Variants in MEGF10 observed in about 807,000 individuals in gnomAD.
MEGF10 encodes the protein multiple epidermal growth factor-like domains protein 10.
A neutral mutation model predicts 147.5 loss-of-function variants in MEGF10; 86 were observed. The observed-to-expected ratio is 0.58, with a 90% CI of 0.49 to 0.70. The LOEUF is 0.70. MEGF10 is among the 30% of genes least tolerant of loss of function. The probability of loss-of-function intolerance (pLI) is 0.00; values close to 1 mark genes in which losing one functional copy is unlikely to be tolerated. For missense variants in MEGF10, 1,329 were observed against 1,487.3 expected (o/e 0.89, Z 1.75); for synonymous variants, 478 against 525.5 (o/e 0.91, Z 1.24).
the MEGF10 span, among the ~76,000 whole-genome samples, chr5:127,255,489 TA>T: frequency 0.047 from 7,161 of 152,176 alleles, 277 homozygotes; most frequent in African/African-American, 0.1. Flanking sequence ...AGGGAAGGAC[TA>T]TTATCATCCT....
At position 127,419,197 on chromosome 5, in the gene MEGF10, T is replaced by A. The variant is rs781683602; in HGVS notation, c.1383T>A (p.Asp461Glu). The change falls in exon 11 of 25, where the codon GAT becomes GAA. Residue 461 changes from aspartate (D) to glutamate (E), a missense_variant. Transcript: ENST00000503335. ...NCSSRCGCKNDAVCSPVDGSC... is the reference protein window; with the variant it reads ...NCSSRCGCKNEAVCSPVDGSC... ...CCTCTCGCTGTGGCTGTAAAAATGA[T>A]GCAGTCTGCTCTCCTGTGGACGGGT... 4.3e-6 allele frequency: 7 copies of A among 1,614,082 alleles called. No homozygotes were observed. In the Admixed American group the frequency reaches 1.0e-4, roughly 23 times the overall value.
chr5:127,408,319 A>C (rs1296901108), intron 8 of MEGF10, among the ~76,000 whole-genome samples: 1 of 152,232 alleles, frequency 6.6e-6, no homozygotes, highest in South Asian at 2.1e-4. Context: ...ACAGAAAATG[A>C]TATTATTTAT....
chr5:127,278,395 G>C, the MEGF10 span, among the ~76,000 whole-genome samples: 105 of 152,102 alleles, frequency 6.9e-4, no homozygotes, highest in African/African-American at 2.5e-3. Context: ...AGATTTAAGA[G>C]AGAATAGAAG....
At chr5:127,371,432 CT>C (rs1270607490) in intron 5 of MEGF10, among the ~76,000 whole-genome samples, 1 of 152,066 alleles carries the variant, frequency 6.6e-6, no homozygotes, top group Non-Finnish European at 1.5e-5. Context: ...TGTGATGTTG[CT>C]TTCATTAACT....
the MEGF10 span, among the ~76,000 whole-genome samples, chr5:127,263,782 TACTTA>T: frequency 2.0e-5 from 3 of 152,174 alleles, no homozygotes; most frequent in South Asian, 4.1e-4. Context: ...ATTACCAAGG[TACTTA>T]ACTTAAATCC....
At chr5:127,414,080 A>G (rs976780967) in intron 9 of MEGF10, among the ~76,000 whole-genome samples, 1 of 152,190 alleles carries the variant, frequency 6.6e-6, no homozygotes, top group African/African-American at 2.4e-5. Flanking sequence ...TTTTCCCTTT[A>G]TCAAATGTAA....
chr5:127,266,995 G>C, the MEGF10 span, among the ~76,000 whole-genome samples: 2 of 152,188 alleles, frequency 1.3e-5, no homozygotes, highest in African/African-American at 4.8e-5. Flanking sequence ...TCCCTGTCTT[G>C]TGCCAGTTTT....
At chr5:127,447,938 CAA>C (rs774620150) in intron 21 of MEGF10, among the ~76,000 whole-genome samples, 8 of 152,130 alleles carry the variant, frequency 5.3e-5, no homozygotes, top group Non-Finnish European at 8.8e-5. Flanking sequence ...CTGTGTGAGT[CAA>C]AGTCTCTCTG....
At chr5:127,269,550 A>G in the MEGF10 span, among the ~76,000 whole-genome samples, 317 of 152,342 alleles carry the variant, frequency 2.1e-3, 1 homozygote, top group Middle Eastern at 0.017. Flanking sequence ...AAAAGAGTAA[A>G]AAGAAATGAA....
At chr5:127,312,354 T>G (rs184834506) in intron 1 of MEGF10, among the ~76,000 whole-genome samples, 6 of 152,314 alleles carry the variant, frequency 3.9e-5, no homozygotes, top group Non-Finnish European at 7.4e-5. Flanking sequence ...GAAGCTGCTT[T>G]TATGGGGAGC....
At chr5:127,397,514 C>T (rs1763963753) in intron 6 of MEGF10, among the ~76,000 whole-genome samples, 1 of 152,116 alleles carries the variant, frequency 6.6e-6, no homozygotes, top group Non-Finnish European at 1.5e-5. Context: ...ATAGAAAAAT[C>T]CTCTTCCCTT....
intron 5 of MEGF10, among the ~76,000 whole-genome samples, chr5:127,380,283 G>A (rs1350040511): frequency 1.3e-5 from 2 of 152,146 alleles, no homozygotes; most frequent in African/African-American, 2.4e-5. Flanking sequence ...TGAGAGATGA[G>A]TAAGACACTG....
At chr5:127,274,131 G>A in the MEGF10 span, among the ~76,000 whole-genome samples, 2 of 152,066 alleles carry the variant, frequency 1.3e-5, no homozygotes, top group Non-Finnish European at 2.9e-5. Context: ...AGCCCAGAAT[G>A]TGGTGTTTTC....
chr5:127,443,098 C>T lies in MEGF10; in HGVS notation c.2463C>T (p.Pro821=), dbSNP rs139929890. ...DHITGTCYCS[P]GWKGARCDQA... Reference sequence around the variant, plus strand: ...TCACTGGGACCTGTTACTGCAGCCCCGGATGGAAGGGAGCGAGATGTGATC... The same window carrying T: ...TCACTGGGACCTGTTACTGCAGCCCTGGATGGAAGGGAGCGAGATGTGATC... The change falls in exon 19 of 25, where the codon CCC becomes CCT. Residue 821 remains proline, a synonymous_variant. Transcript: ENST00000503335. The T allele has an allele frequency of 6.0e-4, 965 of 1,613,476 alleles. 10 individuals are homozygous for T. The African/African-American group carries it at 8.1e-3, about 13-fold the overall frequency.
At chr5:127,387,546 T>G (rs759548826) in intron 5 of MEGF10, among the ~76,000 whole-genome samples, 66 of 152,232 alleles carry the variant, frequency 4.3e-4, no homozygotes, top group Non-Finnish European at 4.4e-4. Flanking sequence ...TAATCTGCAC[T>G]GATTCCGGTT....
At chr5:127,242,846 A>T in the MEGF10 span, among the ~76,000 whole-genome samples, 77,100 of 151,908 alleles carry the variant, frequency 0.51, 19,848 homozygotes, top group Middle Eastern at 0.61. Flanking sequence ...CAAAAAATAT[A>T]GCCTACTTTA....
intron 1 of MEGF10, among the ~76,000 whole-genome samples, chr5:127,319,131 A>G (rs1760690909): frequency 6.8e-6 from 1 of 147,602 alleles, no homozygotes. Context: ...GCTGGAGTGC[A>G]GTGGTATGAT....
chr5:127,234,624 A>G, the MEGF10 span, among the ~76,000 whole-genome samples: 1 of 152,196 alleles, frequency 6.6e-6, no homozygotes, highest in Non-Finnish European at 1.5e-5. Flanking sequence ...ATCTCATATT[A>G]TGCATATTAT....
At chr5:127,256,079 C>T in the MEGF10 span, among the ~76,000 whole-genome samples, 1 of 152,166 alleles carries the variant, frequency 6.6e-6, no homozygotes, top group African/African-American at 2.4e-5. Flanking sequence ...CCCATGACTG[C>T]CCTAACCAAA....
Sources: gnomAD v4.1 joint callset for allele counts (sites outside exome capture counted in the v4.1 genomes callset) on GRCh38, gnomAD v4.1.1 for gene constraint, MANE v1.5 for transcripts, NCBI Gene and HGNC (gene_info 2026-07-23, HGNC 2026-07-21) for gene names.